Variants in COLQ observed in about 807,000 individuals in gnomAD.
The protein encoded by COLQ is collagen like tail subunit of asymmetric acetylcholinesterase, also known as acetylcholinesterase collagenic tail peptide.
Under a neutral mutation model 69.0 loss-of-function variants are expected in COLQ, and 48 were observed. The ratio of observed to expected loss-of-function variants is 0.70; its 90% CI spans 0.55 to 0.88. The LOEUF (loss-of-function observed/expected upper bound fraction) is 0.88. Among genes scored for constraint, COLQ ranks in the 40% least tolerant of loss-of-function variants. The pLI, the probability that COLQ is intolerant of heterozygous loss-of-function variation, is 0.00. For missense variants in COLQ, 618 were observed against 594.6 expected, an observed-to-expected ratio of 1.04 and a Z score of -0.41; for synonymous variants, 217 against 211.2, an observed-to-expected ratio of 1.03 and a Z score of -0.24.
intron 1 of COLQ, among the ~76,000 whole-genome samples, chr3:15,520,278 C>T (rs562126294): frequency 6.6e-6 from 1 of 152,370 alleles, no homozygotes; most frequent in African/African-American, 2.4e-5. Flanking sequence ...ACTCACCTTT[C>T]CTGCCCACCC....
chr3:15,453,976 G>T (rs75838637), intron 15 of COLQ, 45 bp from the exon 16 acceptor site: 1 of 1,380,850 alleles, frequency 7.2e-7, no homozygotes, highest in African/African-American at 1.4e-5. Context: ...GAGCAGAGGC[G>T]ATAGGCTTGC....
intron 7 of COLQ, 21 bp from the exon 8 acceptor site, chr3:15,474,972 CAT>C: frequency 6.2e-7 from 1 of 1,613,608 alleles, no homozygotes; most frequent in Non-Finnish European, 8.5e-7. Context: ...GCAGAAGGTA[CAT>C]TTACAATCAG....
intron 12 of COLQ, among the ~76,000 whole-genome samples, chr3:15,461,746 A>G (rs928792766): frequency 2.6e-5 from 4 of 152,262 alleles, no homozygotes; most frequent in Middle Eastern, 3.4e-3. Context: ...AGGGGAGGGT[A>G]GGACTAGACC....
chr3:15,496,806 T>C (rs757587085), intron 1 of COLQ, among the ~76,000 whole-genome samples: 2 of 152,232 alleles, frequency 1.3e-5, no homozygotes, highest in Non-Finnish European at 1.5e-5. Flanking sequence ...TCAATACCCA[T>C]TCTTGAAAAG....
At chr3:15,515,524 TG>T (rs1294042232) in intron 1 of COLQ, among the ~76,000 whole-genome samples, 1 of 152,170 alleles carries the variant, frequency 6.6e-6, no homozygotes, top group African/African-American at 2.4e-5. Context: ...TTAAAGAAGA[TG>T]GGGACCAGGG....
At chr3:15,469,517 G>C (rs972341198) in intron 11 of COLQ, among the ~76,000 whole-genome samples, 2 of 152,170 alleles carry the variant, frequency 1.3e-5, no homozygotes, top group Non-Finnish European at 2.9e-5. Flanking sequence ...CTGGATGATT[G>C]TAACTTCGAA....
intron 1 of COLQ, among the ~76,000 whole-genome samples, chr3:15,494,044 T>C (rs145752535): frequency 6.6e-5 from 10 of 152,320 alleles, no homozygotes; most frequent in African/African-American, 1.9e-4. Context: ...GATTGTGCCA[T>C]TGCACTGAAG....
In COLQ at chr3:15,521,198, C is replaced by G. The variant is rs939513591; in HGVS notation, c.106+322G>C. Among the ~76,000 whole-genome samples the G allele has an allele frequency of 2.6e-5, 4 of 152,216 alleles. No homozygotes were observed. In the East Asian group the frequency reaches 7.7e-4, roughly 29 times the overall value. On this transcript the variant is annotated intron_variant, in intron 1 of 16. Transcript: ENST00000383788. ...GAGACTCACTTCTCTATTACTTGCACACCTCTGTCTCTTTTAAGCTCTCCC... is the reference window on the plus strand; with the variant it reads ...GAGACTCACTTCTCTATTACTTGCAGACCTCTGTCTCTTTTAAGCTCTCCC...
rs2062017474 is a variant in COLQ at position 15,455,890 on chromosome 3, C to A, written c.1195+9G>T. On this transcript the variant is annotated intron_variant, in intron 15 of 16. Coordinates refer to ENST00000383788, the MANE Select transcript of COLQ (RefSeq NM_005677.4). ...GGCCTCAGGTCCTCCTGGTCTGGGC[C>A]TCACTCACGGATGCAGTCGTCACCC... The A allele has an allele frequency of 6.2e-7, 1 of 1,613,988 alleles. No individual in the cohort carries two copies. The highest frequency in any genetic ancestry group is 8.5e-7 in the Non-Finnish European group (1 of 1,179,978).
intron 1 of COLQ, among the ~76,000 whole-genome samples, chr3:15,515,893 G>T (rs963276640): frequency 6.6e-6 from 1 of 152,224 alleles, no homozygotes; most frequent in South Asian, 2.1e-4. Context: ...GCGGCTCTCT[G>T]TTCACTCTGG....
At chr3:15,485,849 T>C (rs2062563848) in intron 3 of COLQ, among the ~76,000 whole-genome samples, 1 of 152,146 alleles carries the variant, frequency 6.6e-6, no homozygotes, top group African/African-American at 2.4e-5. Flanking sequence ...GGTCCCACCC[T>C]CCTGTGGGAG....
rs939208288 is a variant in COLQ at position 15,450,468 on chromosome 3, G to A, written c.*1176C>T. On this transcript the variant is annotated 3_prime_UTR_variant, in exon 17 of 17. Transcript: ENST00000383788. ...GCAATTTCTACTTGAGGTCTGCTGT[G>A]GGGGTGGACCTCACCTTGGAGATGT... The A allele has an allele frequency of 6.5e-6, 1 of 153,760 alleles. No homozygotes were observed. Among genetic ancestry groups the A allele is most frequent in the Non-Finnish European group, 1.5e-5 (1 of 68,056 alleles). The allele number at this position is 153,760 out of a possible 1,614,324, so 9.5% of individuals were successfully genotyped here. A position where few individuals can be genotyped will look rare whatever the true frequency, so the allele number is the denominator to read the frequency against.
rs1439085344 is a variant in COLQ, at chr3:15,473,610, C to T, written c.636+390G>A. Among the ~76,000 whole-genome samples the T allele has an allele frequency of 6.6e-6, 1 of 152,148 alleles. No individual in the cohort carries two copies. The highest frequency in any genetic ancestry group is 2.4e-5 in the African/African-American group (1 of 41,424). The stretch of plus-strand genomic sequence containing the variant: ...GACCTTAAGCTAAAGACACCTGTGC[C>T]TTACACTGAGGCCTGTGTGCTGACA... On this transcript the variant is annotated intron_variant, in intron 10 of 16. Coordinates refer to ENST00000383788, the MANE Select transcript of COLQ (RefSeq NM_005677.4). The surrounding 1 kb of genome is among the most constrained non-coding windows in gnomAD (Gnocchi z 4.0).
At position 15,473,741 on chromosome 3, in the gene COLQ, AAAAC is replaced by A. The variant is rs1225557167; in HGVS notation, c.636+255_636+258del. Among the ~76,000 whole-genome samples the A allele has an allele frequency of 6.6e-6, 1 of 152,118 alleles. No homozygotes were observed. Among genetic ancestry groups the A allele is most frequent in the African/African-American group, 2.4e-5 (1 of 41,406 alleles). Reference sequence around the variant, plus strand: ...GAGGTAGGAAAAGCAAAAAAGCAAAAAAACAAACAAACAAACAAAAACCCAAAAC... The same window carrying A: ...GAGGTAGGAAAAGCAAAAAAGCAAAAAAACAAACAAACAAAAACCCAAAAC... On this transcript the variant is annotated intron_variant, in intron 10 of 16. Coordinates refer to ENST00000383788, the MANE Select transcript of COLQ (RefSeq NM_005677.4). This position sits in a 1 kb window ranked among gnomAD's most constrained non-coding sequence, Gnocchi z 4.0.
chr3:15,476,981 G>A, intron 6 of COLQ, 145 bp downstream of exon 6: 1 of 820,904 alleles, frequency 1.2e-6, no homozygotes, highest in Non-Finnish European at 2.1e-6. Flanking sequence ...AGTATCTGGG[G>A]CCCTGTGGCC....
chr3:15,472,867 T>A (rs1300593771), intron 10 of COLQ, among the ~76,000 whole-genome samples: 4 of 152,154 alleles, frequency 2.6e-5, no homozygotes, highest in African/African-American at 9.7e-5. Context: ...TCTTTTCTTT[T>A]CTTTTTTTTC....
rs2062947721 is a variant in COLQ, at chr3:15,509,016, A to C, written c.106+12504T>G. Among the ~76,000 whole-genome samples, 3 of 152,124 alleles carry C rather than the reference A, an allele frequency of 2.0e-5. No homozygotes were observed. The South Asian group carries it at 6.2e-4, about 31-fold the overall frequency. ...AAATAAAAAAAATTACATACATAATAACTATAAGAAGAAGGAGGATCTTAA... is the reference window on the plus strand; with the variant it reads ...AAATAAAAAAAATTACATACATAATCACTATAAGAAGAAGGAGGATCTTAA... On this transcript the variant is annotated intron_variant, in intron 1 of 16. Transcript: ENST00000383788.
At chr3:15,452,025 C>T (rs9838568) in intron 16 of COLQ, among the ~76,000 whole-genome samples, 9,908 of 151,688 alleles carry the variant, frequency 0.065, 558 homozygotes, top group African/African-American at 0.15. Flanking sequence ...CCAGATGTGG[C>T]TATTGAGCTC....
At chr3:15,483,615 C>T (rs1305353192) in intron 3 of COLQ, among the ~76,000 whole-genome samples, 3 of 152,006 alleles carry the variant, frequency 2.0e-5, no homozygotes, top group South Asian at 2.1e-4. Flanking sequence ...CATTTGCTGA[C>T]GAGTGCTTTA....
Sources: allele counts gnomAD v4.1 joint callset (sites outside exome capture counted in the v4.1 genomes callset), GRCh38; gene constraint gnomAD v4.1.1; non-coding constraint Gnocchi (gnomAD v3.1); transcripts MANE v1.5; gene names NCBI Gene and HGNC (gene_info 2026-07-23, HGNC 2026-07-21).